The following SLC24A2 variants were observed in gnomAD, a reference collection of about 807,000 sequenced individuals.
SLC24A2 encodes the protein solute carrier family 24 member 2, also known as sodium/potassium/calcium exchanger 2.
In SLC24A2, 36 loss-of-function variants were observed where a neutral mutation model predicts 62.0. The ratio of observed to expected loss-of-function variants is 0.58; its 90% CI spans 0.44 to 0.77. The LOEUF (loss-of-function observed/expected upper bound fraction) is 0.77, where lower values mean the gene tolerates loss of function less well. Ranked by LOEUF, SLC24A2 falls within the 30% of genes least tolerant of loss-of-function variation. The pLI, the probability that SLC24A2 is intolerant of heterozygous loss-of-function variation, is 0.00. For missense variants in SLC24A2, 846 were observed against 817.9 expected (o/e 1.03, Z -0.42); for synonymous variants, 358 against 294.0 (o/e 1.22, Z -2.23).
At chr9:20,224,003 C>A in the SLC24A2 span, among the ~76,000 whole-genome samples, 1 of 151,928 alleles carries the variant, frequency 6.6e-6, no homozygotes, top group Non-Finnish European at 1.5e-5. Context: ...GAGGAATGAA[C>A]TGACAAACAC....
the SLC24A2 span, among the ~76,000 whole-genome samples, chr9:20,245,973 G>C: frequency 6.6e-6 from 1 of 152,100 alleles, no homozygotes; most frequent in African/African-American, 2.4e-5. Context: ...TAGTATAAGG[G>C]GGAGCCAGGA....
chr9:20,082,844 A>G, the SLC24A2 span, among the ~76,000 whole-genome samples: 1 of 152,214 alleles, frequency 6.6e-6, no homozygotes, highest in Non-Finnish European at 1.5e-5. Flanking sequence ...AAACAACAAC[A>G]AAAATTAAGA....
chr9:19,984,199 C>G, the SLC24A2 span, among the ~76,000 whole-genome samples: 1 of 152,024 alleles, frequency 6.6e-6, no homozygotes, highest in Admixed American at 6.6e-5. Context: ...CAATCTCTAT[C>G]AAAATTCCAA....
intron 4 of SLC24A2, among the ~76,000 whole-genome samples, chr9:19,605,513 GAA>G (rs1407548987): frequency 6.6e-6 from 1 of 152,190 alleles, no homozygotes; most frequent in African/African-American, 2.4e-5. Flanking sequence ...AGAAGCTGAT[GAA>G]TAGAAAATCG....
the SLC24A2 span, among the ~76,000 whole-genome samples, chr9:20,305,897 C>T: frequency 6.6e-6 from 1 of 152,182 alleles, no homozygotes; most frequent in Non-Finnish European, 1.5e-5. Flanking sequence ...TTGGTTTCTT[C>T]AGAGGCCTCT....
intron 10 of SLC24A2, among the ~76,000 whole-genome samples, chr9:19,520,001 T>TTCA (rs1168537502): frequency 6.6e-6 from 1 of 152,184 alleles, no homozygotes; most frequent in Non-Finnish European, 1.5e-5. Context: ...TAATACATAC[T>TTCA]TCATAGGATT....
the SLC24A2 span, among the ~76,000 whole-genome samples, chr9:20,242,964 C>G: frequency 6.6e-6 from 1 of 152,176 alleles, no homozygotes; most frequent in East Asian, 1.9e-4. Flanking sequence ...AAGCCACTTG[C>G]AAAACGAAAA....
At chr9:20,153,987 G>T in the SLC24A2 span, among the ~76,000 whole-genome samples, 1 of 151,836 alleles carries the variant, frequency 6.6e-6, no homozygotes, top group East Asian at 1.9e-4. Flanking sequence ...GATTGCTGTT[G>T]CATAAATTGT....
At chr9:19,874,772 G>T in the SLC24A2 span, among the ~76,000 whole-genome samples, 1 of 152,244 alleles carries the variant, frequency 6.6e-6, no homozygotes, top group Non-Finnish European at 1.5e-5. Context: ...AGTTATTGAT[G>T]ATATCTTAGC....
the SLC24A2 span, among the ~76,000 whole-genome samples, chr9:20,022,624 A>G: frequency 6.6e-6 from 1 of 152,248 alleles, no homozygotes; most frequent in Admixed American, 6.5e-5. Flanking sequence ...TGACTAAGTT[A>G]TATGACTAAA....
intron 5 of SLC24A2, among the ~76,000 whole-genome samples, chr9:19,593,904 A>T (rs1023635820): frequency 1.3e-5 from 2 of 152,130 alleles, no homozygotes; most frequent in African/African-American, 4.8e-5. Context: ...CTCTTCAATA[A>T]AATACACTTT....
the SLC24A2 span, among the ~76,000 whole-genome samples, chr9:20,118,528 A>G: frequency 6.6e-6 from 1 of 152,064 alleles, no homozygotes; most frequent in Non-Finnish European, 1.5e-5. Context: ...AAAACTATTG[A>G]TGCTGTTCTT....
the SLC24A2 span, among the ~76,000 whole-genome samples, chr9:19,857,060 G>A: frequency 6.6e-6 from 1 of 152,212 alleles, no homozygotes; most frequent in African/African-American, 2.4e-5. Flanking sequence ...AGTTGTGGAA[G>A]TACAAAGTTG....
At chr9:20,122,876 C>G in the SLC24A2 span, among the ~76,000 whole-genome samples, 1 of 152,094 alleles carries the variant, frequency 6.6e-6, no homozygotes, top group Admixed American at 6.5e-5. Context: ...ACTTGAAAAT[C>G]TAAAATGAGG....
the SLC24A2 span, among the ~76,000 whole-genome samples, chr9:20,279,159 C>G: frequency 6.6e-6 from 1 of 152,182 alleles, no homozygotes; most frequent in African/African-American, 2.4e-5. Context: ...CCTCCCATGA[C>G]ACATGGGGAT....
the SLC24A2 span, among the ~76,000 whole-genome samples, chr9:19,939,849 T>C: frequency 3.2e-4 from 48 of 152,342 alleles, no homozygotes; most frequent in African/African-American, 1.1e-3. Context: ...GAATTACGGC[T>C]ATGCTAAAAT....
rs539837018 is a variant in SLC24A2, at chr9:19,599,550, C to T, written c.1079-2271G>A. 6.6e-6 allele frequency among the ~76,000 whole-genome samples: 1 copy of T among 152,130 alleles called. No homozygotes were observed. Among genetic ancestry groups the T allele is most frequent in the South Asian group, 2.1e-4 (1 of 4,824 alleles). ...AAGAATGGAGATGGAAACCAGCCTG[C>T]TAGAATACGGTCTTTAGCACTAACA... On this transcript the variant is annotated intron_variant, in intron 4 of 10. Transcript: ENST00000341998. The surrounding 1 kb of genome is among the most constrained non-coding windows in gnomAD (Gnocchi z 4.5).
intron 2 of SLC24A2, among the ~76,000 whole-genome samples, chr9:19,732,694 A>G (rs1339643804): frequency 3.3e-5 from 5 of 152,122 alleles, no homozygotes; most frequent in Non-Finnish European, 7.3e-5. Flanking sequence ...CTCTGCAGCC[A>G]CTTTGCCAAT....
the SLC24A2 span, among the ~76,000 whole-genome samples, chr9:20,192,285 G>A: frequency 2.6e-5 from 4 of 152,014 alleles, no homozygotes; most frequent in African/African-American, 9.7e-5. Context: ...CCAAGAAGAT[G>A]GACAAAGGCT....
Sources: gnomAD v4.1 joint callset for allele counts (sites outside exome capture counted in the v4.1 genomes callset) on GRCh38, gnomAD v4.1.1 for gene constraint, Gnocchi (gnomAD v3.1) non-coding constraint, MANE v1.5 for transcripts, NCBI Gene and HGNC (gene_info 2026-07-23, HGNC 2026-07-21) for gene names.